The following MLF2 variants were observed in gnomAD, a reference collection of about 807,000 sequenced individuals.
MLF2 encodes the protein myelodysplasia-myeloid leukemia factor 2.
A neutral mutation model predicts 31.4 loss-of-function variants in MLF2; 12 were observed. The observed-to-expected ratio is 0.38, with a 90% CI of 0.24 to 0.62. MLF2 has a LOEUF of 0.62. Ranked by LOEUF, MLF2 falls within the 20% of genes least tolerant of loss-of-function variation. The pLI is 0.58. For missense variants in MLF2, 272 were observed against 359.7 expected (o/e 0.76, Z 1.97); for synonymous variants, 109 against 118.8 (o/e 0.92, Z 0.54).
chr12:6,752,352 G>A lies in MLF2; in HGVS notation c.-18C>T, dbSNP rs1941629703. ...CGGAACATCCTGATCTCAGCTCCAGGGGGCTCCACACTGGAAAGATATGGA... is the reference window on the plus strand; with the variant it reads ...CGGAACATCCTGATCTCAGCTCCAGAGGGCTCCACACTGGAAAGATATGGA... On this transcript the variant is annotated 5_prime_UTR_variant, in exon 2 of 9. Coordinates refer to ENST00000203630, the MANE Select transcript of MLF2 (RefSeq NM_001382226.1). This position sits in a 1 kb window ranked among gnomAD's most constrained non-coding sequence, Gnocchi z 4.6. 1.3e-6 allele frequency: 2 copies of A among 1,556,136 alleles called. No homozygotes were observed. Among genetic ancestry groups the A allele is most frequent in the Non-Finnish European group, 8.7e-7 (1 of 1,149,146 alleles).
Position 6,752,185 on chromosome 12 carries a change from C to A in MLF2, c.50+100G>T. On this transcript the variant is annotated intron_variant, in intron 2 of 8. Coordinates refer to ENST00000203630, the MANE Select transcript of MLF2 (RefSeq NM_001382226.1). This position sits in a 1 kb window ranked among gnomAD's most constrained non-coding sequence, Gnocchi z 4.6. ...TTCCTGCTAGGTAGGAGCTAGGTAT[C>A]CAGCCAGTTCCAACCATTCCTAGCA... 1 of 1,536,254 alleles carries A rather than the reference C, an allele frequency of 6.5e-7. No individual in the cohort carries two copies. Among genetic ancestry groups the A allele is most frequent in the East Asian group, 2.4e-5 (1 of 41,626 alleles).
rs1313728166 is a variant in MLF2, at chr12:6,750,046, T to G, written c.400-39A>C. ...GAACGTGGCACACTCAGCCGCCCCT[T>G]CCAAAGCCCTGCCTATACCATCTCA... On this transcript the variant is annotated intron_variant, in intron 6 of 8. Transcript: ENST00000203630. The surrounding 1 kb of genome is among the most constrained non-coding windows in gnomAD (Gnocchi z 5.3). The G allele has an allele frequency of 1.2e-6, 2 of 1,612,906 alleles. No homozygotes were observed. Among genetic ancestry groups the G allele is most frequent in the African/African-American group, 2.7e-5 (2 of 74,894 alleles).
Position 6,748,239 on chromosome 12 carries a change from C to A in MLF2, c.*334G>T, listed in dbSNP as rs1941555356. ...TGAGGGATGGAGGGGGCCCCTAAAC[C>A]CAGAGCTCACCCCAAAATGCATTGA... On this transcript the variant is annotated 3_prime_UTR_variant, in exon 9 of 9. Transcript: ENST00000203630. The surrounding 1 kb of genome is among the most constrained non-coding windows in gnomAD (Gnocchi z 4.6). 1 of 152,438 alleles carries A rather than the reference C, an allele frequency of 6.6e-6. No homozygotes were observed. 9.4% of individuals were successfully genotyped at this position (152,438 alleles called of 1,614,324 possible).
chr12:6,750,351 C>A lies in MLF2; in HGVS notation c.271-46G>T, dbSNP rs1287398762. ...GGAGGGCTGAATGGGGAGGCATCAC[C>A]CCTGGTGAAGGGATTTCACCCTTCA... On this transcript the variant is annotated intron_variant, in intron 5 of 8. Coordinates refer to ENST00000203630, the MANE Select transcript of MLF2 (RefSeq NM_001382226.1). The surrounding 1 kb of genome is among the most constrained non-coding windows in gnomAD (Gnocchi z 5.3). 1 of 1,599,920 alleles carries A rather than the reference C, an allele frequency of 6.3e-7. No homozygotes were observed. Among genetic ancestry groups the A allele is most frequent in the South Asian group, 1.1e-5 (1 of 89,332 alleles).
At chr12:6,751,054 T>G in intron 4 of MLF2, 1 of 420,066 alleles carries the variant, frequency 2.4e-6, no homozygotes, top group South Asian at 2.3e-5. Context: ...TAATGGATTC[T>G]AAACTCTAAA....
chr12:6,752,613 C>A lies in MLF2; in HGVS notation c.-28-251G>T. 1 of 410,790 alleles carries A rather than the reference C, an allele frequency of 2.4e-6. No individual in the cohort carries two copies. Among genetic ancestry groups the A allele is most frequent in the Non-Finnish European group, 4.5e-6 (1 of 223,512 alleles). The allele number at this position is 410,790 out of a possible 1,614,324, so 25.4% of individuals were successfully genotyped here. ...TTTCCCTCCCCCACTCAGAGCCATC[C>A]TCTTCCCAAAGCTCTGGCCGGTAGC... On this transcript the variant is annotated intron_variant, in intron 1 of 8. Coordinates refer to ENST00000203630, the MANE Select transcript of MLF2 (RefSeq NM_001382226.1). The surrounding 1 kb of genome is among the most constrained non-coding windows in gnomAD (Gnocchi z 4.6).
In MLF2 at chr12:6,753,082, A is replaced by G. The variant is rs975799245; in HGVS notation, c.-172T>C. 3.4e-5 allele frequency: 13 copies of G among 388,018 alleles called. No individual in the cohort carries two copies. Among genetic ancestry groups the G allele is most frequent in the Non-Finnish European group, 5.9e-5 (13 of 220,122 alleles). The allele number at this position is 388,018 out of a possible 1,614,324, so 24.0% of individuals were successfully genotyped here. A position where few individuals can be genotyped will look rare whatever the true frequency, so the allele number is the denominator to read the frequency against. On this transcript the variant is annotated 5_prime_UTR_variant, in exon 1 of 9. Transcript: ENST00000203630. ...CACGCCGCCTCCTCCCACAGCTGCC[A>G]CCTCCGTACGGCCCCCTCGGCCAAC...
rs746619190 is a variant in MLF2, at chr12:6,750,007, T to G, written c.400A>C (p.Ile134Leu). Residue 134 changes from isoleucine to leucine, a missense_variant and splice_region_variant, in exon 7 of 9, where the codon ATC becomes CTC. Transcript: ENST00000203630. This position sits in a 1 kb window ranked among gnomAD's most constrained non-coding sequence, Gnocchi z 5.3. Reference sequence around the variant, plus strand: ...CGAACAGTCCTCCGTGTCTCCCGGATCTGGGATGAGGCAGAACGTGGCACA... The same window carrying G: ...CGAACAGTCCTCCGTGTCTCCCGGAGCTGGGATGAGGCAGAACGTGGCACA... The part of the protein sequence containing the change: ...TSEMRSAPGG[I>L]RETRRTVRDS... 4 of 1,614,090 alleles carry G rather than the reference T, an allele frequency of 2.5e-6. No homozygotes were observed. Among genetic ancestry groups the G allele is most frequent in the Non-Finnish European group, 3.4e-6 (4 of 1,180,012 alleles).
In MLF2 at chr12:6,749,813, G is replaced by C; in HGVS notation, c.559+35C>G. On this transcript the variant is annotated intron_variant, in intron 7 of 8. Transcript: ENST00000203630. This position sits in a 1 kb window ranked among gnomAD's most constrained non-coding sequence, Gnocchi z 5.3. ...GGGATGTCCACGGGAACCGGGTTAG[G>C]GGCTGCCAGCCAGGAAGCGGGAGGG... 1 of 1,611,922 alleles carries C rather than the reference G, an allele frequency of 6.2e-7. No homozygotes were observed. The highest frequency in any genetic ancestry group is 1.1e-5 in the South Asian group (1 of 90,986).
chr12:6,750,100 CG>C lies in MLF2; in HGVS notation c.399+76del. The C allele has an allele frequency of 6.2e-7, 1 of 1,611,778 alleles. No homozygotes were observed. Among genetic ancestry groups the C allele is most frequent in the South Asian group, 1.1e-5 (1 of 90,864 alleles). On this transcript the variant is annotated intron_variant, in intron 6 of 8. Coordinates refer to ENST00000203630, the MANE Select transcript of MLF2 (RefSeq NM_001382226.1). The surrounding 1 kb of genome is among the most constrained non-coding windows in gnomAD (Gnocchi z 5.3). ...TAAACACACCACACACAACCCAATC[CG>C]GAAAAAAGCAGCCAGGGTTTCTGGC...
In MLF2 at chr12:6,751,937, G is replaced by A; in HGVS notation, c.168C>T (p.Arg56=). 1.2e-6 allele frequency: 2 copies of A among 1,614,158 alleles called. No individual in the cohort carries two copies. Among genetic ancestry groups the A allele is most frequent in the Non-Finnish European group, 1.7e-6 (2 of 1,180,026 alleles). ...GNMPGTRPAS[R]RMQQAGAVSP... The stretch of plus-strand genomic sequence containing the variant: ...TCAGCATCATTACCTGCTGCATCCG[G>A]CGGCTGGCAGGCCTGGTCCCTGGCA... Residue 56 remains arginine, a synonymous_variant, in exon 3 of 9, where the codon CGC becomes CGT. Transcript: ENST00000203630.
intron 3 of MLF2, 53 bp downstream of exon 3, chr12:6,751,872 C>A: frequency 6.2e-7 from 1 of 1,607,370 alleles, no homozygotes; most frequent in South Asian, 1.1e-5. Context: ...AAGTGCTTTC[C>A]TAACTAACCT....
At position 6,750,412 on chromosome 12, in the gene MLF2, G is replaced by T; in HGVS notation, c.271-107C>A. 1 of 1,419,874 alleles carries T rather than the reference G, an allele frequency of 7.0e-7. No homozygotes were observed. Among genetic ancestry groups the T allele is most frequent in the Non-Finnish European group, 9.5e-7 (1 of 1,050,632 alleles). The allele number at this position is 1,419,874 out of a possible 1,614,324, so 88.0% of individuals were successfully genotyped here. A position where few individuals can be genotyped will look rare whatever the true frequency, so the allele number is the denominator to read the frequency against. On this transcript the variant is annotated intron_variant, in intron 5 of 8. Coordinates refer to ENST00000203630, the MANE Select transcript of MLF2 (RefSeq NM_001382226.1). The surrounding 1 kb of genome is among the most constrained non-coding windows in gnomAD (Gnocchi z 5.3). ...CTAGCCTGTATCTTTCTCACAAAAT[G>T]CAAGAACTGAAAAAACATCAGGCCT...
In MLF2 at chr12:6,750,530, G is replaced by A. The variant is rs534799906; in HGVS notation, c.270+183C>T. ...TAATTGTATGCTACGTAAGAGAGCT[G>A]CTGCCGGCTGCTTCAGGCAGGCATG... On this transcript the variant is annotated intron_variant, in intron 5 of 8. Transcript: ENST00000203630. This position sits in a 1 kb window ranked among gnomAD's most constrained non-coding sequence, Gnocchi z 5.3. 1 of 880,256 alleles carries A rather than the reference G, an allele frequency of 1.1e-6. No homozygotes were observed. The highest frequency in any genetic ancestry group is 1.7e-6 in the Non-Finnish European group (1 of 571,986). The allele number at this position is 880,256 out of a possible 1,614,324, so 54.5% of individuals were successfully genotyped here. A position where few individuals can be genotyped will look rare whatever the true frequency, so the allele number is the denominator to read the frequency against.
chr12:6,748,572 A>T lies in MLF2; in HGVS notation c.*26-25T>A. 1 of 449,610 alleles carries T rather than the reference A, an allele frequency of 2.2e-6. No homozygotes were observed. 27.9% of individuals were successfully genotyped at this position (449,610 alleles called of 1,614,324 possible). ...CCTGGAGGGGGAAAGAGAGAGGAGC[A>T]CAAGTCAAAAGGAAGAAAAAACTTA... On this transcript the variant is annotated intron_variant, in intron 8 of 8. Coordinates refer to ENST00000203630, the MANE Select transcript of MLF2 (RefSeq NM_001382226.1). The surrounding 1 kb of genome is among the most constrained non-coding windows in gnomAD (Gnocchi z 4.6).
chr12:6,748,646 T>G lies in MLF2; in HGVS notation c.*26-99A>C. The G allele has an allele frequency of 1.3e-6, 1 of 748,060 alleles. No homozygotes were observed. The highest frequency in any genetic ancestry group is 2.1e-6 in the Non-Finnish European group (1 of 474,338). The allele number at this position is 748,060 out of a possible 1,614,324, so 46.3% of individuals were successfully genotyped here. A position where few individuals can be genotyped will look rare whatever the true frequency, so the allele number is the denominator to read the frequency against. On this transcript the variant is annotated intron_variant, in intron 8 of 8. Transcript: ENST00000203630. The surrounding 1 kb of genome is among the most constrained non-coding windows in gnomAD (Gnocchi z 4.6). The stretch of plus-strand genomic sequence containing the variant: ...TTAATCCCCTATGTCAGTGAGAACA[T>G]TGTTCTCTTTCCATGTCAACTTGTA...
chr12:6,750,652 G>T lies in MLF2; in HGVS notation c.270+61C>A. ...CTGTTTCCCTCTTGCCTTAGAGGATGCAAGGTGTTGTCAGCCATCACTGAG... is the reference window on the plus strand; with the variant it reads ...CTGTTTCCCTCTTGCCTTAGAGGATTCAAGGTGTTGTCAGCCATCACTGAG... On this transcript the variant is annotated intron_variant, in intron 5 of 8. Coordinates refer to ENST00000203630, the MANE Select transcript of MLF2 (RefSeq NM_001382226.1). The surrounding 1 kb of genome is among the most constrained non-coding windows in gnomAD (Gnocchi z 5.3). 1 of 1,526,720 alleles carries T rather than the reference G, an allele frequency of 6.5e-7. No homozygotes were observed. The allele number at this position is 1,526,720 out of a possible 1,614,324, so 94.6% of individuals were successfully genotyped here.
chr12:6,750,260 T>C lies in MLF2; in HGVS notation c.316A>G (p.Thr106Ala). The C allele has an allele frequency of 1.2e-6, 2 of 1,614,030 alleles. No homozygotes were observed. The highest frequency in any genetic ancestry group is 1.7e-6 in the Non-Finnish European group (2 of 1,179,998). The change falls in exon 6 of 9, where the codon ACT becomes GCT. Residue 106 changes from threonine (T) to alanine (A), a missense_variant. Physicochemically the swap from Thr to Ala is moderately conservative, Grantham distance 58. Transcript: ENST00000203630. This position sits in a 1 kb window ranked among gnomAD's most constrained non-coding sequence, Gnocchi z 5.3. The stretch of plus-strand genomic sequence containing the variant: ...CCCGTATTGGAGTAGGAGATGACAG[T>C]GGAAGATGAGAAGGTCTGGCAATTG... Reference protein sequence around the residue: ...GGNCQTFSSSTVISYSNTGDG... With the variant: ...GGNCQTFSSSAVISYSNTGDG...
Position 6,752,002 on chromosome 12 carries a change from A to C in MLF2, c.103T>G (p.Phe35Val). 6.2e-7 allele frequency: 1 copy of C among 1,614,218 alleles called. No individual in the cohort carries two copies. The highest frequency in any genetic ancestry group is 8.5e-7 in the Non-Finnish European group (1 of 1,180,050). The change falls in exon 3 of 9, where the codon TTT becomes GTT. Residue 35 changes from phenylalanine to valine, a missense_variant. Phe to Val is a conservative substitution (Grantham distance 50, BLOSUM62 -1). Coordinates refer to ENST00000203630, the MANE Select transcript of MLF2 (RefSeq NM_001382226.1). This position sits in a 1 kb window ranked among gnomAD's most constrained non-coding sequence, Gnocchi z 4.6. ...ATGCTGAGGAAGGGGCTATATCCAA[A>C]GCCACCTGACAACATACGGCTCATA... The part of the protein sequence containing the change: ...QHMSRMLSGG[F>V]GYSPFLSITD...
Sources: gnomAD v4.1 joint callset for allele counts on GRCh38, gnomAD v4.1.1 for gene constraint, Gnocchi (gnomAD v3.1) non-coding constraint, MANE v1.5 for transcripts, NCBI Gene and HGNC (gene_info 2026-07-23, HGNC 2026-07-21) for gene names.